FRK: variants seen among roughly 807,000 people sequenced by gnomAD.
FRK encodes the protein tyrosine-protein kinase FRK.
In FRK, 51 loss-of-function variants were observed where a neutral mutation model predicts 56.4. The observed-to-expected ratio is 0.90, with a 90% confidence interval of 0.72 to 1.14. FRK has a LOEUF of 1.14. Ranked by LOEUF, FRK falls within the 50% of genes most tolerant of loss-of-function variation. The pLI, the probability that FRK is intolerant of heterozygous loss-of-function variation, is 0.00. For synonymous variants in FRK, 245 were observed against 217.9 expected, an observed-to-expected ratio of 1.12 and a Z score of -1.10; for missense variants, 570 against 601.4, an observed-to-expected ratio of 0.95 and a Z score of 0.55.
chr6:116,095,075 G>C, the FRK span, among the ~76,000 whole-genome samples: 2 of 152,242 alleles, frequency 1.3e-5, no homozygotes, highest in Non-Finnish European at 2.9e-5. Context: ...TGAGGCCACT[G>C]ACAACCCGTA....
chr6:115,958,704 GAA>G (rs1554225802), intron 4 of FRK, among the ~76,000 whole-genome samples: 4 of 6,968 alleles, frequency 5.7e-4, no homozygotes, highest in African/African-American at 1.2e-3. Flanking sequence ...AAGAAAGAAA[GAA>G]GAAAGAAAGA....
At chr6:115,966,958 G>C (rs1773603584) in intron 4 of FRK, among the ~76,000 whole-genome samples, 2 of 105,874 alleles carry the variant, frequency 1.9e-5, no homozygotes, top group Admixed American at 2.0e-4. Flanking sequence ...ATTTGCTCAA[G>C]ATCATATGAC....
rs190434554 is a variant in FRK, at chr6:115,983,485, T to A, written c.467-14746A>T. ...TTAAAGGGAAATACTAGGTTGCGCATTACCTTCTTACAGTATTTTTCTCCA... is the reference window on the plus strand; with the variant it reads ...TTAAAGGGAAATACTAGGTTGCGCAATACCTTCTTACAGTATTTTTCTCCA... On this transcript the variant is annotated intron_variant, in intron 2 of 7. Coordinates refer to ENST00000606080, the MANE Select transcript of FRK (RefSeq NM_002031.3). 2.6e-4 allele frequency among the ~76,000 whole-genome samples: 39 copies of A among 152,300 alleles called. No individual in the cohort carries two copies. The East Asian group carries it at 7.5e-3, about 29-fold the overall frequency.
At chr6:116,040,365 G>T (rs1340765992) in intron 1 of FRK, among the ~76,000 whole-genome samples, 1 of 151,616 alleles carries the variant, frequency 6.6e-6, no homozygotes, top group Admixed American at 6.6e-5. Context: ...AATATCCTAT[G>T]GAAGTATAAA....
At chr6:116,099,250 T>A in the FRK span, among the ~76,000 whole-genome samples, 1 of 152,158 alleles carries the variant, frequency 6.6e-6, no homozygotes, top group Admixed American at 6.5e-5. Context: ...CAAAAAACAA[T>A]CCTTTTATAC....
intron 2 of FRK, among the ~76,000 whole-genome samples, chr6:115,996,289 T>G (rs1255095231): frequency 1.3e-5 from 2 of 152,156 alleles, no homozygotes; most frequent in African/African-American, 4.8e-5. Context: ...AATGAATGAA[T>G]GGCTCAAGGG....
At chr6:115,997,128 A>G (rs1774871256) in intron 2 of FRK, among the ~76,000 whole-genome samples, 1 of 152,220 alleles carries the variant, frequency 6.6e-6, no homozygotes, top group Non-Finnish European at 1.5e-5. Flanking sequence ...GGGATATCAA[A>G]TAATTATCAC....
intron 2 of FRK, among the ~76,000 whole-genome samples, chr6:115,989,182 T>A (rs1774499535): frequency 6.6e-6 from 1 of 151,974 alleles, no homozygotes; most frequent in South Asian, 2.1e-4. Context: ...CCAGTAGCTT[T>A]GTTAGTTATT....
chr6:116,033,043 A>C (rs1307346848), intron 1 of FRK, among the ~76,000 whole-genome samples: 1 of 152,128 alleles, frequency 6.6e-6, no homozygotes, highest in Non-Finnish European at 1.5e-5. Context: ...TTTTAGAAAT[A>C]CTAGAGACTA....
At position 115,956,479 on chromosome 6, in the gene FRK, G is replaced by T; in HGVS notation, c.931C>A (p.His311Asn). 6.4e-7 allele frequency: 1 copy of T among 1,551,684 alleles called. No individual in the cohort carries two copies. Among genetic ancestry groups the T allele is most frequent in the South Asian group, 1.3e-5 (1 of 76,940 alleles). Residue 311 changes from histidine to asparagine, a missense_variant, in exon 5 of 8, where the codon CAT becomes AAT. Coordinates refer to ENST00000606080, the MANE Select transcript of FRK (RefSeq NM_002031.3). ...PIYIITELMRHGSLQEYLQND... is the reference protein window; with the variant it reads ...PIYIITELMRNGSLQEYLQND... ...TGGAGATATTCTTGCAGACTTCCAT[G>T]TCTCATCAACTCTGTAATAATATAA...
chr6:116,025,480 T>A (rs1469624311), intron 1 of FRK, among the ~76,000 whole-genome samples: 1 of 152,208 alleles, frequency 6.6e-6, no homozygotes, highest in Non-Finnish European at 1.5e-5. Context: ...AATATTCTAT[T>A]GAATTTCAGC....
chr6:116,024,676 T>C (rs1776019175), intron 1 of FRK, among the ~76,000 whole-genome samples: 1 of 152,176 alleles, frequency 6.6e-6, no homozygotes, highest in Admixed American at 6.6e-5. Context: ...TGTTGGACAT[T>C]TGGGTCGGTT....
chr6:116,091,100 G>C, the FRK span, among the ~76,000 whole-genome samples: 4 of 152,162 alleles, frequency 2.6e-5, no homozygotes, highest in African/African-American at 9.7e-5. Flanking sequence ...AAAGTGAGAG[G>C]TGAAGCCAGT....
chr6:115,977,360 A>G (rs1226087566), intron 2 of FRK, among the ~76,000 whole-genome samples: 35 of 152,168 alleles, frequency 2.3e-4, no homozygotes, highest in Admixed American at 2.3e-3. Flanking sequence ...AATATCCACT[A>G]AGACCAAAGA....
intron 5 of FRK, among the ~76,000 whole-genome samples, chr6:115,954,583 A>C (rs1305955283): frequency 6.6e-6 from 1 of 152,226 alleles, no homozygotes; most frequent in African/African-American, 2.4e-5. Flanking sequence ...TGGTCAAAGA[A>C]GGAAAGACTG....
chr6:116,032,956 T>A (rs1776351053), intron 1 of FRK, among the ~76,000 whole-genome samples: 1 of 151,848 alleles, frequency 6.6e-6, no homozygotes, highest in South Asian at 2.1e-4. Context: ...GAAAAGCAAA[T>A]GCAATCAAGG....
chr6:116,022,810 C>CA (rs1775927456), intron 1 of FRK, among the ~76,000 whole-genome samples: 1 of 151,910 alleles, frequency 6.6e-6, no homozygotes, highest in African/African-American at 2.4e-5. Flanking sequence ...TCTAATAAAA[C>CA]AAAAAAATAA....
At chr6:115,946,094 T>C (rs1296047744) in intron 5 of FRK, among the ~76,000 whole-genome samples, 1 of 152,122 alleles carries the variant, frequency 6.6e-6, no homozygotes, top group Non-Finnish European at 1.5e-5. Context: ...TAAAAGAATC[T>C]CACATCAACT....
At chr6:115,973,521 C>T (rs1442566992) in intron 2 of FRK, among the ~76,000 whole-genome samples, 1 of 152,102 alleles carries the variant, frequency 6.6e-6, no homozygotes, top group Admixed American at 6.6e-5. Context: ...CAAATCTGCA[C>T]ATGCTACACA....
Sources: gnomAD v4.1 joint callset for allele counts (sites outside exome capture counted in the v4.1 genomes callset) on GRCh38, gnomAD v4.1.1 for gene constraint, MANE v1.5 for transcripts, NCBI Gene and HGNC (gene_info 2026-07-23, HGNC 2026-07-21) for gene names.